ABCB5: variants seen among roughly 807,000 people sequenced by gnomAD.
ABCB5 encodes the protein ATP-binding cassette sub-family B member 5.
In ABCB5, 155 loss-of-function variants were observed where a neutral mutation model predicts 144.2. The observed-to-expected ratio is 1.08, with a 90% confidence interval of 0.94 to 1.23. The LOEUF (loss-of-function observed/expected upper bound fraction) is 1.23. Ranked by LOEUF, ABCB5 falls within the 50% of genes most tolerant of loss-of-function variation. The pLI is 0.00. For synonymous variants in ABCB5, 610 were observed against 528.6 expected (o/e 1.15, Z -2.11); for missense variants, 1,830 against 1,520.8 (o/e 1.20, Z -3.38).
intron 14 of ABCB5, chr7:20,660,097 C>T: frequency 2.0e-6 from 2 of 984,754 alleles, no homozygotes; most frequent in Non-Finnish European, 2.4e-6. Flanking sequence ...GTAATCAAAA[C>T]TAGTTCAGAC....
At chr7:20,753,568 G>A in intron 27 of ABCB5, 62 bp downstream of exon 27, 4 of 1,530,636 alleles carry the variant, frequency 2.6e-6, no homozygotes, top group Non-Finnish European at 3.5e-6. Flanking sequence ...ATAACATGGA[G>A]GAAACCAAGG....
At chr7:20,752,849 AAAAC>A (rs1782974528) in intron 26 of ABCB5, among the ~76,000 whole-genome samples, 1 of 152,212 alleles carries the variant, frequency 6.6e-6, no homozygotes, top group South Asian at 2.1e-4. Flanking sequence ...CGGTCTCAAA[AAAAC>A]AAAAAAGTCA....
chr7:20,658,646 C>G lies in ABCB5; in HGVS notation c.1677C>G (p.Ser559Arg). The G allele has an allele frequency of 6.2e-7, 1 of 1,614,140 alleles. No individual in the cohort carries two copies. Residue 559 changes from serine to arginine, a missense_variant, in exon 14 of 28, where the codon AGC (serine) becomes AGG (arginine). Physicochemically the swap from Ser to Arg is moderately radical, Grantham distance 110. Transcript: ENST00000404938. Reference sequence around the variant, plus strand: ...CTACGTCTGCCCTGGATTCAGAAAGCAAGTCAGCTGTTCAAGCTGCACTGG... The same window carrying G: ...CTACGTCTGCCCTGGATTCAGAAAGGAAGTCAGCTGTTCAAGCTGCACTGG... Reference protein sequence around the residue: ...DEATSALDSESKSAVQAALEK... With the variant: ...DEATSALDSERKSAVQAALEK...
chr7:20,651,532 T>C lies in ABCB5; in HGVS notation c.1445T>C (p.Ile482Thr), dbSNP rs1784588360. Residue 482 changes from isoleucine to threonine, a missense_variant, in exon 13 of 28, where the codon ATC (isoleucine) becomes ACC (threonine). Ile to Thr is a moderately conservative substitution (Grantham distance 89). Coordinates refer to ENST00000404938, the MANE Select transcript of ABCB5 (RefSeq NM_001163941.2). ...VLFGTTISNN[I>T]KYGRDDVTDE... ...TTCGGGACCACCATCAGTAACAATATCAAGTATGGACGAGATGATGTGACT... is the reference window on the plus strand; with the variant it reads ...TTCGGGACCACCATCAGTAACAATACCAAGTATGGACGAGATGATGTGACT... 2.5e-6 allele frequency: 4 copies of C among 1,613,944 alleles called. No individual in the cohort carries two copies. Among genetic ancestry groups the C allele is most frequent in the Middle Eastern group, 1.6e-4 (1 of 6,082 alleles).
intron 26 of ABCB5, among the ~76,000 whole-genome samples, chr7:20,749,369 A>G (rs1240187571): frequency 1.4e-5 from 2 of 144,832 alleles, no homozygotes; most frequent in African/African-American, 5.1e-5. Flanking sequence ...CTGCGACCAT[A>G]GGTGCCTGCC....
chr7:20,752,342 G>C (rs977841994), intron 26 of ABCB5, among the ~76,000 whole-genome samples: 12 of 152,170 alleles, frequency 7.9e-5, no homozygotes, highest in African/African-American at 2.7e-4. Flanking sequence ...TAAAAAGCAG[G>C]CAAGAACCTG....
rs761288737 is a variant in ABCB5 at position 20,650,068 on chromosome 7, C to T, written c.1253C>T (p.Ala418Val). The change falls in exon 12 of 28, where the codon GCC becomes GTC. Residue 418 changes from alanine to valine, a missense_variant. Physicochemically the swap from Ala to Val is moderately conservative, Grantham distance 64. Coordinates refer to ENST00000404938, the MANE Select transcript of ABCB5 (RefSeq NM_001163941.2). ...NLRIKSGETV[A>V]LVGLNGSGKS... is the part of the protein sequence containing the mutation. ...AGAATTAAGTCTGGAGAGACAGTCG[C>T]CTTGGTCGGTCTCAATGGCAGTGGG... 1.7e-5 allele frequency: 27 copies of T among 1,613,560 alleles called. No homozygotes were observed. The highest frequency in any genetic ancestry group is 2.1e-5 in the Non-Finnish European group (25 of 1,179,660).
intron 5 of ABCB5, among the ~76,000 whole-genome samples, chr7:20,636,782 C>CAAAAAAAA (rs35824075): frequency 2.7e-5 from 2 of 74,244 alleles, no homozygotes; most frequent in Admixed American, 1.6e-4. Flanking sequence ...AAGACTCCAT[C>CAAAAAAAA]AAAAAAAAAA....
chr7:20,703,896 C>T lies in ABCB5; in HGVS notation c.2338-828C>T, dbSNP rs1329409300. 2.6e-5 allele frequency among the ~76,000 whole-genome samples: 4 copies of T among 152,090 alleles called. No individual in the cohort carries two copies. In the East Asian group the frequency reaches 7.7e-4, roughly 29 times the overall value. ...CTCTTAACTTCAGGAGTTTCACAGC[C>T]TTCTGCCCTTTTAGCTTCTCACAAC... On this transcript the variant is annotated intron_variant, in intron 19 of 27. Coordinates refer to ENST00000404938, the MANE Select transcript of ABCB5 (RefSeq NM_001163941.2).
intron 14 of ABCB5, among the ~76,000 whole-genome samples, chr7:20,679,796 C>T (rs565995426): frequency 6.6e-6 from 1 of 152,242 alleles, no homozygotes; most frequent in African/African-American, 2.4e-5. Context: ...GCAACCATGG[C>T]TCTCTTGCAC....
chr7:20,754,123 T>C (rs568306530), intron 27 of ABCB5, among the ~76,000 whole-genome samples: 49 of 152,360 alleles, frequency 3.2e-4, no homozygotes, highest in Non-Finnish European at 5.9e-4. Context: ...AGAGTATGCA[T>C]TACATGCTAT....
chr7:20,673,347 TGA>T (rs956225220), intron 14 of ABCB5, among the ~76,000 whole-genome samples: 4 of 152,090 alleles, frequency 2.6e-5, no homozygotes, highest in African/African-American at 9.6e-5. Context: ...TATCAGTTAC[TGA>T]GAGAAGGGTA....
At chr7:20,648,670 G>A (rs577465196) in intron 11 of ABCB5, among the ~76,000 whole-genome samples, 136 of 152,256 alleles carry the variant, frequency 8.9e-4, no homozygotes, top group South Asian at 4.1e-3. Flanking sequence ...ATTGCACAAG[G>A]CGATTACTAA....
intron 14 of ABCB5, among the ~76,000 whole-genome samples, chr7:20,660,826 C>T (rs1784980373): frequency 1.3e-5 from 2 of 152,108 alleles, no homozygotes; most frequent in Non-Finnish European, 2.9e-5. Flanking sequence ...GAATCTATAC[C>T]CACTTCACTC....
chr7:20,651,673 G>T, intron 13 of ABCB5, 50 bp downstream of exon 13: 1 of 1,563,990 alleles, frequency 6.4e-7, no homozygotes, highest in South Asian at 1.1e-5. Flanking sequence ...GCAGCGCTGC[G>T]ACATTCCAAT....
intron 7 of ABCB5, 51 bp from the exon 8 acceptor site, chr7:20,645,705 C>T: frequency 1.3e-6 from 2 of 1,598,362 alleles, no homozygotes; most frequent in Non-Finnish European, 1.7e-6. Context: ...ATGTTCAGAA[C>T]ATTATTACTA....
At chr7:20,688,837 G>A (rs1305769105) in intron 16 of ABCB5, among the ~76,000 whole-genome samples, 1 of 152,124 alleles carries the variant, frequency 6.6e-6, no homozygotes, top group South Asian at 2.1e-4. Flanking sequence ...GATGAAGCTG[G>A]AAACCATCTT....
intron 3 of ABCB5, among the ~76,000 whole-genome samples, chr7:20,628,331 C>T (rs1292098945): frequency 6.6e-6 from 1 of 152,108 alleles, no homozygotes; most frequent in Non-Finnish European, 1.5e-5. Flanking sequence ...CTGCAAAGGA[C>T]ATGAACTCAT....
chr7:20,655,625 T>C (rs943169443), intron 13 of ABCB5, among the ~76,000 whole-genome samples: 4 of 152,216 alleles, frequency 2.6e-5, no homozygotes, highest in African/African-American at 9.6e-5. Flanking sequence ...AGTCTTCTAG[T>C]AAAAACTATA....
Sources: gnomAD v4.1 joint callset for allele counts (sites outside exome capture counted in the v4.1 genomes callset) on GRCh38, gnomAD v4.1.1 for gene constraint, MANE v1.5 for transcripts, NCBI Gene and HGNC (gene_info 2026-07-23, HGNC 2026-07-21) for gene names.